Variants in MYBL2 observed in about 807,000 individuals in gnomAD.
MYBL2 encodes the protein myb-related protein B.
Under a neutral mutation model 79.9 loss-of-function variants are expected in MYBL2, and 28 were observed. That is an observed-to-expected ratio of 0.35 (90% CI 0.26 to 0.48). The LOEUF (loss-of-function observed/expected upper bound fraction) is 0.48, where lower values mean the gene tolerates loss of function less well. Ranked by LOEUF, MYBL2 falls within the 20% of genes least tolerant of loss-of-function variation. MYBL2 has a pLI of 0.99. For synonymous variants in MYBL2, 378 were observed against 361.2 expected, an observed-to-expected ratio of 1.05 and a Z score of -0.53; for missense variants, 735 against 893.9, an observed-to-expected ratio of 0.82 and a Z score of 2.27.
chr20:43,705,518 AT>A (rs1269295331), intron 9 of MYBL2, among the ~76,000 whole-genome samples, 160 bp downstream of exon 9: 1 of 152,052 alleles, frequency 6.6e-6, no homozygotes, highest in African/African-American at 2.4e-5. Context: ...ACCACGATTT[AT>A]CATTTTTATC....
chr20:43,676,848 C>T (rs1171250135), intron 2 of MYBL2, among the ~76,000 whole-genome samples: 1 of 150,508 alleles, frequency 6.6e-6, no homozygotes, highest in Admixed American at 6.6e-5. Context: ...CCATAGTTAA[C>T]ATCATAGATG....
chr20:43,673,921 G>A, intron 2 of MYBL2, 22 bp downstream of exon 2: 2 of 1,546,152 alleles, frequency 1.3e-6, no homozygotes, highest in Non-Finnish European at 8.8e-7. Context: ...GGGGAAGAGA[G>A]GGTTGATGGC....
chr20:43,701,718 C>T lies in MYBL2; in HGVS notation c.952-772C>T, dbSNP rs145077531. ...ACATCCCATTCACTGCTCTATATTT[C>T]GTTCTATAAAAATATCTGCAGGCTG... is the stretch of plus-strand genomic sequence containing the variant. On this transcript the variant is annotated intron_variant, in intron 7 of 13. Coordinates refer to ENST00000217026, the MANE Select transcript of MYBL2 (RefSeq NM_002466.4). 4.3e-4 allele frequency among the ~76,000 whole-genome samples: 65 copies of T among 152,264 alleles called. No individual in the cohort carries two copies. In the East Asian group the frequency reaches 0.011, roughly 25 times the overall value.
rs1322528449 is a variant in MYBL2 at position 43,700,057 on chromosome 20, C to T, written c.951+13C>T. ...CTTGATCGAGTCGGTATGTTGGTCACAACACTTCACAGTGAGCACAGAACA... is the reference window on the plus strand; with the variant it reads ...CTTGATCGAGTCGGTATGTTGGTCATAACACTTCACAGTGAGCACAGAACA... On this transcript the variant is annotated intron_variant, in intron 7 of 13. Transcript: ENST00000217026. The T allele has an allele frequency of 3.1e-6, 5 of 1,610,984 alleles. No individual in the cohort carries two copies. Among genetic ancestry groups the T allele is most frequent in the Non-Finnish European group, 3.4e-6 (4 of 1,178,646 alleles).
Position 43,699,913 on chromosome 20 carries a change from C to T in MYBL2, c.820C>T (p.Pro274Ser). 6.2e-7 allele frequency: 1 copy of T among 1,614,038 alleles called. No homozygotes were observed. The highest frequency in any genetic ancestry group is 1.3e-5 in the African/African-American group (1 of 74,996). Residue 274 changes from proline (P) to serine (S), a missense_variant, in exon 7 of 14, where the codon CCG (proline) becomes TCG (serine). Pro to Ser is a moderately conservative substitution (Grantham distance 74). Transcript: ENST00000217026. ...VRTPEPLEEF[P>S]KREDQEGSPP... ...AACACCAGAGCCCTTGGAGGAATTC[C>T]CGAAGCGTGAGGACCAGGAAGGCTC...
At chr20:43,704,205 AG>A (rs1987731219) in intron 8 of MYBL2, among the ~76,000 whole-genome samples, 1 of 152,054 alleles carries the variant, frequency 6.6e-6, no homozygotes, top group Admixed American at 6.6e-5. Flanking sequence ...TAGTAGAGAC[AG>A]GGTTTCTCCA....
intron 6 of MYBL2, among the ~76,000 whole-genome samples, chr20:43,696,806 A>G (rs1987553271): frequency 6.6e-6 from 1 of 152,276 alleles, no homozygotes; most frequent in Non-Finnish European, 1.5e-5. Flanking sequence ...GGCTCACTGC[A>G]ACCTCCGCCT....
intron 13 of MYBL2, 138 bp from the exon 14 acceptor site, chr20:43,715,821 A>C: frequency 6.0e-6 from 7 of 1,169,484 alleles, no homozygotes; most frequent in African/African-American, 1.5e-5. Context: ...GTCACAGGGA[A>C]TGTGGAGAGA....
intron 5 of MYBL2, among the ~76,000 whole-genome samples, chr20:43,688,823 C>G (rs1053300091): frequency 6.6e-6 from 1 of 151,798 alleles, no homozygotes; most frequent in Non-Finnish European, 1.5e-5. Flanking sequence ...GAATTTCGCT[C>G]TTATCACCCA....
intron 2 of MYBL2, among the ~76,000 whole-genome samples, chr20:43,674,234 C>CCCCTTTT (rs33986259): frequency 1.4e-5 from 1 of 72,230 alleles, no homozygotes; most frequent in African/African-American, 4.3e-5. Context: ...TCCCCCCACC[C>CCCCTTTT]TTTTTTTTTT....
At chr20:43,674,045 C>A (rs1986936514) in intron 2 of MYBL2, 146 bp downstream of exon 2, 5 of 732,272 alleles carry the variant, frequency 6.8e-6, no homozygotes, top group Non-Finnish European at 1.2e-5. Context: ...GTCCTCATGC[C>A]TCTTCTCAGA....
At chr20:43,677,512 A>G (rs1342028192) in intron 2 of MYBL2, among the ~76,000 whole-genome samples, 3 of 152,268 alleles carry the variant, frequency 2.0e-5, no homozygotes, top group African/African-American at 7.2e-5. Context: ...GGTAAGTCAG[A>G]TCAGGAAAGG....
intron 6 of MYBL2, among the ~76,000 whole-genome samples, chr20:43,697,076 A>G (rs1278945671): frequency 2.3e-5 from 2 of 87,430 alleles, no homozygotes; most frequent in Non-Finnish European, 5.4e-5. Context: ...GGACATTTGA[A>G]GTTTTCATAA....
At chr20:43,681,549 G>A (rs1202662250) in intron 2 of MYBL2, among the ~76,000 whole-genome samples, 5 of 152,188 alleles carry the variant, frequency 3.3e-5, no homozygotes, top group African/African-American at 1.2e-4. Flanking sequence ...AGCAGGGGGT[G>A]GCTTTACTTT....
intron 2 of MYBL2, among the ~76,000 whole-genome samples, chr20:43,681,199 T>C (rs1204458760): frequency 6.6e-6 from 1 of 152,194 alleles, no homozygotes. Context: ...CAGCTTCTAG[T>C]GCTGAATCAC....
chr20:43,715,020 C>T (rs543448853), intron 12 of MYBL2, 114 bp from the exon 13 acceptor site: 29 of 1,251,310 alleles, frequency 2.3e-5, no homozygotes, highest in Non-Finnish European at 3.0e-5. Context: ...AGTGTGTATC[C>T]TCTTTCAGGT....
chr20:43,704,966 G>A (rs117521396), intron 8 of MYBL2, among the ~76,000 whole-genome samples: 96 of 152,250 alleles, frequency 6.3e-4, no homozygotes, highest in Admixed American at 1.6e-3. Context: ...GTCAGCACTC[G>A]AGTAGAGATG....
chr20:43,704,470 C>T (rs187586849), intron 8 of MYBL2, among the ~76,000 whole-genome samples: 98 of 152,284 alleles, frequency 6.4e-4, no homozygotes, highest in African/African-American at 2.0e-3. Flanking sequence ...AGGAAGGCAG[C>T]GGGTCCCTCA....
intron 5 of MYBL2, among the ~76,000 whole-genome samples, chr20:43,690,351 ATG>A (rs944000944): frequency 1.2e-4 from 18 of 152,158 alleles, no homozygotes; most frequent in African/African-American, 4.3e-4. Flanking sequence ...GATTACAGGT[ATG>A]CACCACCACG....
Sources: allele counts gnomAD v4.1 joint callset (sites outside exome capture counted in the v4.1 genomes callset), GRCh38; gene constraint gnomAD v4.1.1; transcripts MANE v1.5; gene names NCBI Gene and HGNC (gene_info 2026-07-23, HGNC 2026-07-21).